AGMO: variants seen among roughly 807,000 people sequenced by gnomAD.
AGMO encodes the protein alkylglycerol monooxygenase.
In AGMO, 75 loss-of-function variants were observed where a neutral mutation model predicts 60.2. The ratio of observed to expected loss-of-function variants is 1.25; its 90% CI spans 1.03 to 1.51. The LOEUF (loss-of-function observed/expected upper bound fraction) is 1.51. Among genes scored for constraint, AGMO ranks in the 40% most tolerant of loss-of-function variants. AGMO has a pLI of 0.00. For missense variants in AGMO, 763 were observed against 525.5 expected (o/e 1.45, Z -4.42); for synonymous variants, 261 against 177.1 (o/e 1.47, Z -3.76).
chr7:15,216,832 A>G (rs1308716546), intron 12 of AGMO, among the ~76,000 whole-genome samples: 2 of 59,536 alleles, frequency 3.4e-5, no homozygotes, highest in African/African-American at 5.2e-5. Flanking sequence ...GTGAAAGAAA[A>G]AGTGTGTGTG....
chr7:15,273,057 T>C (rs898876674), intron 12 of AGMO, among the ~76,000 whole-genome samples: 7 of 152,174 alleles, frequency 4.6e-5, no homozygotes, highest in African/African-American at 1.7e-4. Flanking sequence ...ATTGCAAAAA[T>C]TTTCTCCCAT....
intron 12 of AGMO, among the ~76,000 whole-genome samples, chr7:15,340,468 G>A (rs372944203): frequency 6.6e-6 from 1 of 152,134 alleles, no homozygotes; most frequent in Non-Finnish European, 1.5e-5. Context: ...CCTGTCACAG[G>A]CCAGGAGGCC....
intron 12 of AGMO, among the ~76,000 whole-genome samples, chr7:15,290,323 G>C (rs1663020803): frequency 6.6e-6 from 1 of 151,998 alleles, no homozygotes; most frequent in Non-Finnish European, 1.5e-5. Context: ...CACTGCGCCT[G>C]GCCAAAGATC....
At chr7:15,215,321 G>C (rs1781705359) in intron 12 of AGMO, among the ~76,000 whole-genome samples, 1 of 152,124 alleles carries the variant, frequency 6.6e-6, no homozygotes, top group African/African-American at 2.4e-5. Flanking sequence ...TTGATCAAAA[G>C]AAAGCACATG....
chr7:15,433,760 T>C (rs990815078), intron 3 of AGMO, among the ~76,000 whole-genome samples: 4 of 118,678 alleles, frequency 3.4e-5, no homozygotes, highest in African/African-American at 9.4e-5. Flanking sequence ...ACGAAAATTA[T>C]AGATTATATT....
intron 12 of AGMO, among the ~76,000 whole-genome samples, chr7:15,284,228 G>T (rs1014679136): frequency 2.6e-5 from 4 of 151,720 alleles, no homozygotes; most frequent in African/African-American, 7.2e-5. Context: ...ACACAACAAA[G>T]ATCAAAGCAG....
At chr7:15,176,524 T>C in the AGMO span, among the ~76,000 whole-genome samples, 15 of 152,066 alleles carry the variant, frequency 9.9e-5, no homozygotes, top group East Asian at 1.3e-3. Flanking sequence ...GAATAGTTTT[T>C]CCCCCTGCTT....
At chr7:15,499,899 T>C (rs1783330783) in intron 3 of AGMO, among the ~76,000 whole-genome samples, 2 of 121,618 alleles carry the variant, frequency 1.6e-5, no homozygotes, top group Non-Finnish European at 3.5e-5. Flanking sequence ...GAATATTATA[T>C]GTATTACGCA....
chr7:15,331,530 T>G (rs539323286), intron 12 of AGMO, among the ~76,000 whole-genome samples: 1 of 152,332 alleles, frequency 6.6e-6, no homozygotes, highest in South Asian at 2.1e-4. Context: ...ACAGGCTGTG[T>G]TCCTGTAAAG....
chr7:15,128,497 T>C, the AGMO span, among the ~76,000 whole-genome samples: 1 of 152,140 alleles, frequency 6.6e-6, no homozygotes, highest in African/African-American at 2.4e-5. Context: ...TTCATTTGAA[T>C]GCGTAATTTG....
chr7:15,224,832 A>T (rs1782028707), intron 12 of AGMO, among the ~76,000 whole-genome samples: 1 of 152,066 alleles, frequency 6.6e-6, no homozygotes, highest in Non-Finnish European at 1.5e-5. Context: ...TATAGGCAAC[A>T]AGGTCTAATT....
rs775057626 is a variant in AGMO, at chr7:15,342,172, T to TAAAAAAAAAAAAAAAAAAAAAAAAA, written c.1263+23341_1263+23342insTTTTTTTTTTTTTTTTTTTTTTTTT. Among the ~76,000 whole-genome samples, 7 of 54,304 alleles carry TAAAAAAAAAAAAAAAAAAAAAAAAA rather than the reference T, an allele frequency of 1.3e-4. 1 individual carries two copies. The highest frequency in any genetic ancestry group is 4.7e-4 in the African/African-American group (5 of 10,746). 35.6% of individuals were successfully genotyped at this position (54,304 alleles called of 152,430 possible). On this transcript the variant is annotated intron_variant, in intron 12 of 12. Transcript: ENST00000342526. ...AGCTGAGAGTAGATACCCACAGAGT[T>TAAAAAAAAAAAAAAAAAAAAAAAAA]AAAAAAAAAAAAAAAAAAAAAAAAG...
At chr7:15,260,265 A>T (rs1783230006) in intron 12 of AGMO, among the ~76,000 whole-genome samples, 1 of 151,618 alleles carries the variant, frequency 6.6e-6, no homozygotes, top group African/African-American at 2.4e-5. Context: ...TCTTCAGGAG[A>T]CTCAACTAAC....
At chr7:15,303,591 C>T (rs182897951) in intron 12 of AGMO, among the ~76,000 whole-genome samples, 3 of 152,090 alleles carry the variant, frequency 2.0e-5, no homozygotes, top group Admixed American at 2.0e-4. Context: ...GGGATGACCT[C>T]GGCTGTTTAA....
At chr7:15,218,710 G>T (rs1781823083) in intron 12 of AGMO, among the ~76,000 whole-genome samples, 2 of 152,064 alleles carry the variant, frequency 1.3e-5, no homozygotes, top group Admixed American at 1.3e-4. Context: ...GAAAGCTTCA[G>T]AATACAGGTG....
the AGMO span, among the ~76,000 whole-genome samples, chr7:15,156,701 G>T: frequency 1.3e-5 from 2 of 152,122 alleles, no homozygotes; most frequent in South Asian, 2.1e-4. Flanking sequence ...ATGCAGTGTT[G>T]GTAGCTTCCT....
At chr7:15,528,062 G>C (rs1177864832) in intron 3 of AGMO, among the ~76,000 whole-genome samples, 1 of 152,088 alleles carries the variant, frequency 6.6e-6, no homozygotes, top group Non-Finnish European at 1.5e-5. Context: ...TGCAGCATGT[G>C]GATCAAGGAG....
At chr7:15,284,187 C>T (rs1784041888) in intron 12 of AGMO, among the ~76,000 whole-genome samples, 1 of 151,918 alleles carries the variant, frequency 6.6e-6, no homozygotes, top group Non-Finnish European at 1.5e-5. Flanking sequence ...GAAACAAGAA[C>T]AAACCAAACC....
the AGMO span, among the ~76,000 whole-genome samples, chr7:15,181,271 G>A: frequency 1.3e-5 from 2 of 152,182 alleles, no homozygotes; most frequent in South Asian, 4.1e-4. Context: ...TTCATGCTAA[G>A]TGTAGAGAGG....
Sources: allele counts gnomAD v4.1 joint callset (sites outside exome capture counted in the v4.1 genomes callset), GRCh38; gene constraint gnomAD v4.1.1; transcripts MANE v1.5; gene names NCBI Gene and HGNC (gene_info 2026-07-23, HGNC 2026-07-21).